Variants in CBFA2T2 observed in about 807,000 individuals in gnomAD.
The protein encoded by CBFA2T2 is protein CBFA2T2.
Under a neutral mutation model 62.2 loss-of-function variants are expected in CBFA2T2, and 11 were observed. The ratio of observed to expected loss-of-function variants is 0.18; its 90% CI spans 0.11 to 0.29. CBFA2T2 has a LOEUF of 0.29. Ranked by LOEUF, CBFA2T2 falls within the 10% of genes least tolerant of loss-of-function variation. The pLI is 1.00. For missense variants in CBFA2T2, 592 were observed against 774.1 expected, an observed-to-expected ratio of 0.76 and a Z score of 2.79; for synonymous variants, 295 against 287.5, an observed-to-expected ratio of 1.03 and a Z score of -0.27.
In CBFA2T2 at chr20:33,649,775, A is replaced by T. The variant is rs927835428; in HGVS notation, c.*5129A>T. 4 of 152,590 alleles carry T rather than the reference A, an allele frequency of 2.6e-5. No homozygotes were observed. The highest frequency in any genetic ancestry group is 5.9e-5 in the Non-Finnish European group (4 of 68,034). 9.5% of individuals were successfully genotyped at this position (152,590 alleles called of 1,614,324 possible). ...AGGCTACAAAGGCTCCGCTCACAAA[A>T]GAAAGCCAATAATGTAAATAAATAG... On this transcript the variant is annotated 3_prime_UTR_variant, in exon 11 of 11. Coordinates refer to ENST00000342704, the MANE Select transcript of CBFA2T2 (RefSeq NM_001032999.3).
chr20:33,557,786 C>T (rs1378109630), intron 1 of CBFA2T2, among the ~76,000 whole-genome samples: 5 of 151,818 alleles, frequency 3.3e-5, no homozygotes, highest in Non-Finnish European at 7.4e-5. Context: ...GGATTACAGG[C>T]GTGAACCACT....
At chr20:33,531,342 C>A (rs1826080493) in intron 1 of CBFA2T2, among the ~76,000 whole-genome samples, 1 of 152,186 alleles carries the variant, frequency 6.6e-6, no homozygotes, top group Non-Finnish European at 1.5e-5. Flanking sequence ...GCGGGGAAAG[C>A]ACAGGGTGCT....
chr20:33,634,883 A>C (rs1441096267), intron 8 of CBFA2T2, among the ~76,000 whole-genome samples: 1 of 152,134 alleles, frequency 6.6e-6, no homozygotes, highest in Non-Finnish European at 1.5e-5. Context: ...TGGAGACTGA[A>C]ATAAACAGAA....
intron 1 of CBFA2T2, among the ~76,000 whole-genome samples, chr20:33,584,717 T>C (rs2014289455): frequency 6.6e-6 from 1 of 152,128 alleles, no homozygotes. Flanking sequence ...TGTAAAATGG[T>C]GTGCAGTTTA....
At position 33,584,553 on chromosome 20, in the gene CBFA2T2, G is replaced by A. The variant is rs542710024; in HGVS notation, c.35-22403G>A. Reference sequence around the variant, plus strand: ...ATTACAGGCGTGAGCCACCGCGCCCGGCCTTAAGTGACATTTTTAAGAGTT... The same window carrying A: ...ATTACAGGCGTGAGCCACCGCGCCCAGCCTTAAGTGACATTTTTAAGAGTT... On this transcript the variant is annotated intron_variant, in intron 1 of 10. Coordinates refer to ENST00000342704, the MANE Select transcript of CBFA2T2 (RefSeq NM_001032999.3). 5.3e-5 allele frequency among the ~76,000 whole-genome samples: 8 copies of A among 152,156 alleles called. No homozygotes were observed. The South Asian group carries it at 1.0e-3, about 20-fold the overall frequency.
intron 3 of CBFA2T2, chr20:33,618,420 A>G (rs946568016): frequency 1.3e-5 from 2 of 152,168 alleles, no homozygotes; most frequent in Admixed American, 1.3e-4. Context: ...CTTTGAAGAA[A>G]ATATTTTTAT....
chr20:33,614,465 A>G (rs746773504), intron 3 of CBFA2T2, among the ~76,000 whole-genome samples: 2 of 152,188 alleles, frequency 1.3e-5, no homozygotes, highest in Non-Finnish European at 2.9e-5. Context: ...TTTAGTGACA[A>G]TAAGTATATT....
chr20:33,609,310 G>T (rs1297788920), intron 2 of CBFA2T2, among the ~76,000 whole-genome samples: 1 of 152,144 alleles, frequency 6.6e-6, no homozygotes, highest in East Asian at 1.9e-4. Context: ...AGACCAGCCT[G>T]GCCAACATGG....
chr20:33,569,473 A>G (rs1347722847), intron 1 of CBFA2T2, among the ~76,000 whole-genome samples: 1 of 152,252 alleles, frequency 6.6e-6, no homozygotes, highest in Non-Finnish European at 1.5e-5. Flanking sequence ...TTATTGTTCT[A>G]AATCAAGATT....
chr20:33,554,572 TCTTTTCTTTC>T (rs1380278344), intron 1 of CBFA2T2, among the ~76,000 whole-genome samples: 10 of 149,958 alleles, frequency 6.7e-5, no homozygotes, highest in South Asian at 4.2e-4. Flanking sequence ...TCTTTTCTTT[TCTTTTCTTTC>T]CTTTTCCTTT....
chr20:33,638,489 A>G lies in CBFA2T2; in HGVS notation c.1297+1781A>G, dbSNP rs909613668. 2.6e-5 allele frequency among the ~76,000 whole-genome samples: 4 copies of G among 152,168 alleles called. No homozygotes were observed. In the East Asian group the frequency reaches 7.7e-4, roughly 29 times the overall value. The stretch of plus-strand genomic sequence containing the variant: ...TTCATGCTTAAGCTGAGGGGATAAA[A>G]TGTACCTAAGAGCATTGTTACACTG... On this transcript the variant is annotated intron_variant, in intron 9 of 10. Transcript: ENST00000342704.
chr20:33,520,139 C>T (rs182414229), intron 1 of CBFA2T2, among the ~76,000 whole-genome samples: 33 of 151,974 alleles, frequency 2.2e-4, no homozygotes, highest in Admixed American at 2.0e-3. Flanking sequence ...AGCAAAATTC[C>T]GTCTCAAAAA....
At chr20:33,492,944 T>G (rs966284807) in intron 1 of CBFA2T2, among the ~76,000 whole-genome samples, 8 of 152,010 alleles carry the variant, frequency 5.3e-5, no homozygotes, top group Admixed American at 5.3e-4. Flanking sequence ...GTATTTTTTG[T>G]AGAGACGGGG....
intron 1 of CBFA2T2, among the ~76,000 whole-genome samples, chr20:33,496,909 C>T (rs1330506353): frequency 6.6e-6 from 1 of 152,110 alleles, no homozygotes; most frequent in East Asian, 1.9e-4. Context: ...AATTTATTTT[C>T]CTACTCCCGT....
intron 8 of CBFA2T2, among the ~76,000 whole-genome samples, chr20:33,632,505 G>A (rs1300440672): frequency 3.5e-5 from 5 of 142,248 alleles, no homozygotes; most frequent in Admixed American, 1.4e-4. Context: ...GTCTAGCTCT[G>A]TTGCCCAGGC....
intron 8 of CBFA2T2, among the ~76,000 whole-genome samples, chr20:33,633,433 G>A (rs2016526718): frequency 1.3e-5 from 2 of 152,070 alleles, no homozygotes; most frequent in Admixed American, 1.3e-4. Context: ...AATCCATGGT[G>A]TGGATAGTTA....
At chr20:33,595,448 G>T (rs1009447321) in intron 1 of CBFA2T2, among the ~76,000 whole-genome samples, 5 of 152,104 alleles carry the variant, frequency 3.3e-5, no homozygotes, top group African/African-American at 9.7e-5. Context: ...TTGACCTTGT[G>T]ATCCGCCCAC....
intron 1 of CBFA2T2, among the ~76,000 whole-genome samples, chr20:33,531,111 G>A (rs916014287): frequency 6.6e-6 from 1 of 152,098 alleles, no homozygotes; most frequent in Non-Finnish European, 1.5e-5. Context: ...AACAAACAAG[G>A]CTTCTAGTTG....
chr20:33,499,721 A>G (rs1412083593), intron 1 of CBFA2T2, among the ~76,000 whole-genome samples: 3 of 152,204 alleles, frequency 2.0e-5, no homozygotes, highest in Non-Finnish European at 4.4e-5. Context: ...TTTTATGTAC[A>G]TCAATCATCT....
Sources: allele counts gnomAD v4.1 joint callset (sites outside exome capture counted in the v4.1 genomes callset), GRCh38; gene constraint gnomAD v4.1.1; transcripts MANE v1.5; gene names NCBI Gene and HGNC (gene_info 2026-07-23, HGNC 2026-07-21).